Variants in LINGO2 observed in about 807,000 individuals in gnomAD.
LINGO2 encodes leucine rich repeat and Ig domain containing 2.
LINGO2 carries 14 observed loss-of-function variants against 30.6 expected under a neutral mutation model. That is an observed-to-expected ratio of 0.46 (90% CI 0.30 to 0.72). LINGO2 has a LOEUF of 0.72. Among genes scored for constraint, LINGO2 ranks in the 30% least tolerant of loss-of-function variants. LINGO2 has a pLI of 0.07. For synonymous variants in LINGO2, 317 were observed against 288.5 expected (o/e 1.10, Z -1.00); for missense variants, 729 against 751.7 (o/e 0.97, Z 0.35).
intron 3 of LINGO2, among the ~76,000 whole-genome samples, chr9:28,357,298 T>C (rs1820248707): frequency 7.1e-6 from 1 of 140,034 alleles, no homozygotes; most frequent in Non-Finnish European, 1.5e-5. Flanking sequence ...TAAAAGTCTT[T>C]CAGATACAGA....
chr9:28,269,220 T>C (rs1420983006), intron 4 of LINGO2, among the ~76,000 whole-genome samples: 1 of 152,122 alleles, frequency 6.6e-6, no homozygotes, highest in Non-Finnish European at 1.5e-5. Context: ...TATACACATC[T>C]GCCTCTTGAT....
chr9:28,261,472 A>C (rs1394452655), intron 4 of LINGO2, among the ~76,000 whole-genome samples: 1 of 151,942 alleles, frequency 6.6e-6, no homozygotes, highest in African/African-American at 2.4e-5. Flanking sequence ...TACATAGGAG[A>C]CTTTTATGCA....
the LINGO2 span, among the ~76,000 whole-genome samples, chr9:28,745,991 T>C: frequency 6.6e-6 from 1 of 152,006 alleles, no homozygotes; most frequent in African/African-American, 2.4e-5. Flanking sequence ...AAATATAAGA[T>C]AAAAATACAC....
At chr9:28,830,755 T>G in the LINGO2 span, among the ~76,000 whole-genome samples, 3 of 125,370 alleles carry the variant, frequency 2.4e-5, no homozygotes, top group African/African-American at 5.1e-5. Flanking sequence ...CTCTTGCCCC[T>G]ATACACACAC....
At chr9:28,383,257 TGTG>T (rs371040654) in intron 2 of LINGO2, among the ~76,000 whole-genome samples, 24,653 of 148,546 alleles carry the variant, frequency 0.17, 2,140 homozygotes, top group South Asian at 0.24. Flanking sequence ...CCATTCATTG[TGTG>T]TGTGTGTGTG....
chr9:28,310,737 A>G (rs1824581406), intron 3 of LINGO2, among the ~76,000 whole-genome samples: 1 of 152,202 alleles, frequency 6.6e-6, no homozygotes, highest in Non-Finnish European at 1.5e-5. Context: ...AATTATAGGT[A>G]AATAAAGCTG....
intron 1 of LINGO2, among the ~76,000 whole-genome samples, chr9:28,663,029 G>C (rs539997947): frequency 6.6e-6 from 1 of 152,140 alleles, no homozygotes; most frequent in African/African-American, 2.4e-5. Flanking sequence ...ATTATCTTCT[G>C]TAACTGGGAG....
chr9:29,066,619 C>T, the LINGO2 span, among the ~76,000 whole-genome samples: 1 of 151,746 alleles, frequency 6.6e-6, no homozygotes, highest in Non-Finnish European at 1.5e-5. Context: ...CTATATGTAA[C>T]AAACCAAATG....
At chr9:28,254,741 C>A (rs1822323889) in intron 4 of LINGO2, among the ~76,000 whole-genome samples, 1 of 152,032 alleles carries the variant, frequency 6.6e-6, no homozygotes, top group Non-Finnish European at 1.5e-5. Context: ...ATTTTTTAAG[C>A]AACCAATAGA....
intron 1 of LINGO2, among the ~76,000 whole-genome samples, chr9:28,624,631 CT>C (rs550727463): frequency 6.0e-5 from 9 of 148,884 alleles, no homozygotes; most frequent in South Asian, 2.1e-4. Context: ...CTGTAGTTTT[CT>C]TTTTTTTTAA....
At chr9:28,475,632 A>G (rs940637515) in intron 2 of LINGO2, among the ~76,000 whole-genome samples, 1 of 152,180 alleles carries the variant, frequency 6.6e-6, no homozygotes, top group African/African-American at 2.4e-5. Context: ...GTCTTAGTTA[A>G]TCCTTATAAA....
intron 4 of LINGO2, among the ~76,000 whole-genome samples, chr9:28,031,383 AT>A (rs1316861089): frequency 6.6e-6 from 1 of 151,820 alleles, no homozygotes; most frequent in Non-Finnish European, 1.5e-5. Flanking sequence ...TTTTTAAAAA[AT>A]TTAACATTGA....
the LINGO2 span, among the ~76,000 whole-genome samples, chr9:28,986,098 A>T: frequency 6.6e-6 from 1 of 152,026 alleles, no homozygotes; most frequent in Admixed American, 6.6e-5. Context: ...TCCCAACACC[A>T]TTTATTGAAG....
intron 4 of LINGO2, among the ~76,000 whole-genome samples, chr9:28,215,169 G>T (rs1820721475): frequency 6.6e-6 from 1 of 151,696 alleles, no homozygotes; most frequent in African/African-American, 2.4e-5. Flanking sequence ...TCAAAAGCCA[G>T]AAAATAATTT....
chr9:28,191,681 T>G (rs1284995211), intron 4 of LINGO2, among the ~76,000 whole-genome samples: 5 of 152,146 alleles, frequency 3.3e-5, no homozygotes, highest in Non-Finnish European at 7.4e-5. Flanking sequence ...GTAAATGTCA[T>G]CAGTAACCTC....
At chr9:28,301,787 A>G (rs1026991347) in intron 3 of LINGO2, among the ~76,000 whole-genome samples, 2 of 152,170 alleles carry the variant, frequency 1.3e-5, no homozygotes, top group Non-Finnish European at 2.9e-5. Flanking sequence ...CAGGTTTTCC[A>G]AGGTCTAAAT....
the LINGO2 span, among the ~76,000 whole-genome samples, chr9:28,951,072 C>T: frequency 6.6e-6 from 1 of 152,062 alleles, no homozygotes; most frequent in African/African-American, 2.4e-5. Context: ...TAACAGAGAC[C>T]TCAGAAATAA....
At chr9:28,364,013 G>A (rs111656741) in intron 3 of LINGO2, among the ~76,000 whole-genome samples, 4 of 151,024 alleles carry the variant, frequency 2.6e-5, no homozygotes, top group South Asian at 2.1e-4. Context: ...TTCTGTATTC[G>A]CTTTTTGGGT....
At chr9:28,589,901 A>G (rs534042737) in intron 1 of LINGO2, among the ~76,000 whole-genome samples, 2 of 152,052 alleles carry the variant, frequency 1.3e-5, no homozygotes. Flanking sequence ...TGACTTCAAA[A>G]TATACTACAA....
Sources: gnomAD v4.1 joint callset for allele counts (sites outside exome capture counted in the v4.1 genomes callset) on GRCh38, gnomAD v4.1.1 for gene constraint, MANE v1.5 for transcripts, NCBI Gene and HGNC (gene_info 2026-07-23, HGNC 2026-07-21) for gene names.